Variants in ATP6V1D observed in about 807,000 individuals in gnomAD.
The protein encoded by ATP6V1D is V-type proton ATPase subunit D.
A neutral mutation model predicts 39.4 loss-of-function variants in ATP6V1D; 20 were observed. That is an observed-to-expected ratio of 0.51 (90% CI 0.36 to 0.74). The LOEUF is 0.74. ATP6V1D is among the 30% of genes least tolerant of loss of function. The probability of loss-of-function intolerance (pLI) is 0.00; values close to 1 mark genes in which losing one functional copy is unlikely to be tolerated. For synonymous variants in ATP6V1D, 100 were observed against 100.5 expected (o/e 0.99, Z 0.03); for missense variants, 228 against 291.6 (o/e 0.78, Z 1.59).
At chr14:67,347,827 C>T (rs533489079) in intron 4 of ATP6V1D, among the ~76,000 whole-genome samples, 1 of 152,028 alleles carries the variant, frequency 6.6e-6, no homozygotes, top group East Asian at 1.9e-4. Flanking sequence ...TCACTGTTTT[C>T]TGTGTTTCTT....
At chr14:67,351,134 CT>C (rs1301274994) in intron 2 of ATP6V1D, among the ~76,000 whole-genome samples, 2 of 152,268 alleles carry the variant, frequency 1.3e-5, no homozygotes, top group East Asian at 3.9e-4. Flanking sequence ...AGGGAGTTGC[CT>C]TCCCAAGTAT....
intron 4 of ATP6V1D, among the ~76,000 whole-genome samples, chr14:67,348,007 G>C (rs2085632076): frequency 6.6e-6 from 1 of 151,850 alleles, no homozygotes; most frequent in South Asian, 2.1e-4. Context: ...CCGCCTCCTG[G>C]GGTCAAGTGA....
intron 2 of ATP6V1D, 30 bp from the exon 3 acceptor site, chr14:67,350,720 A>C (rs755284410): frequency 1.3e-6 from 2 of 1,585,672 alleles, no homozygotes; most frequent in Non-Finnish European, 1.7e-6. Flanking sequence ...CAGCAGATTC[A>C]ACCAAGCCTT....
chr14:67,347,462 C>A lies in ATP6V1D; in HGVS notation c.308-9G>T. On this transcript the variant is annotated splice_polypyrimidine_tract_variant and intron_variant, in intron 4 of 8. Coordinates refer to ENST00000216442, the MANE Select transcript of ATP6V1D (RefSeq NM_015994.4). Reference sequence around the variant, plus strand: ...TACTGGCAAAGTAACACCTGTTAAACACAGAAGCATACATGGATTCATAAA... The same window carrying A: ...TACTGGCAAAGTAACACCTGTTAAAAACAGAAGCATACATGGATTCATAAA... The A allele has an allele frequency of 6.3e-7, 1 of 1,595,052 alleles. No individual in the cohort carries two copies. The highest frequency in any genetic ancestry group is 8.6e-7 in the Non-Finnish European group (1 of 1,165,378).
intron 1 of ATP6V1D, among the ~76,000 whole-genome samples, chr14:67,357,744 AAGGGAGTGGC>A (rs2085695109): frequency 6.6e-6 from 1 of 152,176 alleles, no homozygotes; most frequent in African/African-American, 2.4e-5. Flanking sequence ...AAAAGAGAGT[AAGGGAGTGGC>A]AGGGAGCCAG....
intron 7 of ATP6V1D, among the ~76,000 whole-genome samples, chr14:67,341,341 G>T (rs1387271729): frequency 6.6e-6 from 1 of 151,642 alleles, no homozygotes; most frequent in Non-Finnish European, 1.5e-5. Flanking sequence ...TGAGAAGTGA[G>T]GAGACCCTCC....
At chr14:67,351,470 A>G (rs1389263478) in intron 2 of ATP6V1D, among the ~76,000 whole-genome samples, 1 of 152,232 alleles carries the variant, frequency 6.6e-6, no homozygotes, top group Non-Finnish European at 1.5e-5. Flanking sequence ...AAAGAAAAAG[A>G]CCAACAGATT....
intron 1 of ATP6V1D, among the ~76,000 whole-genome samples, chr14:67,358,314 G>A (rs1277213200): frequency 6.6e-6 from 1 of 152,104 alleles, no homozygotes. Context: ...AAAGTCAACA[G>A]GTGAAGGTAA....
rs1436469405 is a variant in ATP6V1D at position 67,337,982 on chromosome 14, C to T, written c.*639G>A. The T allele has an allele frequency of 6.6e-6, 1 of 152,194 alleles. No individual in the cohort carries two copies. Among genetic ancestry groups the T allele is most frequent in the African/African-American group, 2.4e-5 (1 of 41,440 alleles). The allele number at this position is 152,194 out of a possible 1,614,324, so 9.4% of individuals were successfully genotyped here. On this transcript the variant is annotated 3_prime_UTR_variant, in exon 9 of 9. Transcript: ENST00000216442. ...AGTGGGAAAAATAGCTACCCACTTCCTACATGTCTGCAGAGAAAGCTCTGG... is the reference window on the plus strand; with the variant it reads ...AGTGGGAAAAATAGCTACCCACTTCTTACATGTCTGCAGAGAAAGCTCTGG...
chr14:67,348,964 C>G (rs2085640205), intron 4 of ATP6V1D, 73 bp downstream of exon 4: 4 of 1,376,156 alleles, frequency 2.9e-6, no homozygotes, highest in Admixed American at 1.9e-5. Flanking sequence ...TAAGATCTTG[C>G]TGTATAAACA....
Sources: gnomAD v4.1 joint callset for allele counts (sites outside exome capture counted in the v4.1 genomes callset) on GRCh38, gnomAD v4.1.1 for gene constraint, MANE v1.5 for transcripts, NCBI Gene and HGNC (gene_info 2026-07-23, HGNC 2026-07-21) for gene names.